Variants in WNT7B observed in about 807,000 individuals in gnomAD.
WNT7B encodes protein Wnt-7b.
In WNT7B, 19 loss-of-function variants were observed where a neutral mutation model predicts 38.2. The observed-to-expected ratio is 0.50, with a 90% CI of 0.35 to 0.73. The LOEUF (loss-of-function observed/expected upper bound fraction) is 0.73. Among genes scored for constraint, WNT7B ranks in the 30% least tolerant of loss-of-function variants. WNT7B has a pLI of 0.01. For missense variants in WNT7B, 423 were observed against 507.9 expected, an observed-to-expected ratio of 0.83 and a Z score of 1.61; for synonymous variants, 243 against 209.3, an observed-to-expected ratio of 1.16 and a Z score of -1.39.
intron 1 of WNT7B, chr22:45,972,075 T>C: frequency 1.9e-6 from 1 of 530,462 alleles, no homozygotes; most frequent in South Asian, 2.3e-5. Context: ...CGCTGCCGCG[T>C]TCCCTGCCCG....
intron 3 of WNT7B, among the ~76,000 whole-genome samples, chr22:45,924,126 A>C (rs1266949266): frequency 1.3e-5 from 2 of 152,052 alleles, no homozygotes; most frequent in African/African-American, 4.8e-5. Context: ...GAAGATGGGG[A>C]ATTATTAGCT....
At chr22:45,929,269 C>T (rs1215070141) in intron 3 of WNT7B, among the ~76,000 whole-genome samples, 6 of 152,218 alleles carry the variant, frequency 3.9e-5, no homozygotes, top group Non-Finnish European at 2.9e-5. Context: ...ATGGCATGGA[C>T]TGTGATCTGC....
intron 2 of WNT7B, among the ~76,000 whole-genome samples, chr22:45,943,784 A>T (rs1163392407): frequency 6.6e-6 from 1 of 152,210 alleles, no homozygotes; most frequent in Non-Finnish European, 1.5e-5. Context: ...GGCCCAGCCC[A>T]GGCGGGGGCT....
intron 1 of WNT7B, among the ~76,000 whole-genome samples, chr22:45,954,203 T>A (rs1932006553): frequency 6.6e-6 from 1 of 150,458 alleles, no homozygotes; most frequent in Non-Finnish European, 1.5e-5. Context: ...ACGTCCGGAA[T>A]AGGCAAATCC....
At chr22:45,926,095 C>A in intron 3 of WNT7B, 3 of 985,472 alleles carry the variant, frequency 3.0e-6, no homozygotes, top group Non-Finnish European at 3.6e-6. Context: ...GCAAATAAAG[C>A]CTACTGGGCC....
At chr22:45,952,888 A>G (rs1041813162) in intron 1 of WNT7B, among the ~76,000 whole-genome samples, 2 of 152,212 alleles carry the variant, frequency 1.3e-5, no homozygotes, top group African/African-American at 4.8e-5. Flanking sequence ...TGTGCCTGGA[A>G]CTAGAGGCCT....
At chr22:45,941,540 T>A (rs1184292361) in intron 2 of WNT7B, among the ~76,000 whole-genome samples, 2 of 146,656 alleles carry the variant, frequency 1.4e-5, no homozygotes, top group African/African-American at 5.0e-5. Flanking sequence ...GAGTGCAGAC[T>A]CTTCTGCAGT....
chr22:45,921,696 G>A lies in WNT7B; in HGVS notation c.*1160C>T, dbSNP rs1211348743. 6.6e-6 allele frequency: 1 copy of A among 152,318 alleles called. No individual in the cohort carries two copies. Among genetic ancestry groups the A allele is most frequent in the Non-Finnish European group, 1.5e-5 (1 of 68,082 alleles). 9.4% of individuals were successfully genotyped at this position (152,318 alleles called of 1,614,324 possible). A position where few individuals can be genotyped will look rare whatever the true frequency, so the allele number is the denominator to read the frequency against. ...AGGTGCCAGGCCGGGAGGGTGACAG[G>A]ATGAGGGAGGGAACGAAGGACTCCT... On this transcript the variant is annotated 3_prime_UTR_variant, in exon 4 of 4. Transcript: ENST00000339464.
chr22:45,946,449 G>T (rs1390740381), intron 2 of WNT7B, among the ~76,000 whole-genome samples: 1 of 152,202 alleles, frequency 6.6e-6, no homozygotes, highest in East Asian at 1.9e-4. Context: ...GGGATACGAG[G>T]TTCTCCTGAT....
At chr22:45,946,919 C>T (rs1931810834) in intron 2 of WNT7B, among the ~76,000 whole-genome samples, 1 of 152,220 alleles carries the variant, frequency 6.6e-6, no homozygotes, top group African/African-American at 2.4e-5. Context: ...AAGGGGCTGT[C>T]CCACCCACAC....
intron 1 of WNT7B, among the ~76,000 whole-genome samples, chr22:45,960,469 A>AC (rs35438042): frequency 4.7e-5 from 7 of 150,414 alleles, no homozygotes; most frequent in African/African-American, 1.2e-4. Context: ...GAGCCACCCC[A>AC]CCCCCCCAGC....
At chr22:45,952,673 G>A (rs937206264) in intron 1 of WNT7B, among the ~76,000 whole-genome samples, 13 of 152,350 alleles carry the variant, frequency 8.5e-5, no homozygotes, top group Admixed American at 2.6e-4. Context: ...CATTATCTGC[G>A]GTAGGTGCCC....
chr22:45,943,036 CGT>C lies in WNT7B; in HGVS notation c.298+6882_298+6883del, dbSNP rs542891679. ...CAGTGTGCATGTGTATGTGTGTGCG[CGT>C]GTGTGCAGCATGCATGTGTGTGCAG... On this transcript the variant is annotated intron_variant, in intron 2 of 3. Coordinates refer to ENST00000339464, the MANE Select transcript of WNT7B (RefSeq NM_058238.3). 8.0e-3 allele frequency among the ~76,000 whole-genome samples: 1,130 copies of C among 141,402 alleles called. 4 individuals carry two copies. The highest frequency in any genetic ancestry group is 0.011 in the Non-Finnish European group (764 of 67,636). 92.8% of individuals were successfully genotyped at this position (141,402 alleles called of 152,430 possible).
intron 1 of WNT7B, among the ~76,000 whole-genome samples, chr22:45,956,892 A>G (rs1932076260): frequency 2.0e-5 from 3 of 151,998 alleles, no homozygotes; most frequent in East Asian, 1.9e-4. Context: ...TGGATCATGA[A>G]GTCAGGAGAT....
At chr22:45,952,347 T>C (rs935550669) in intron 1 of WNT7B, among the ~76,000 whole-genome samples, 3 of 152,128 alleles carry the variant, frequency 2.0e-5, no homozygotes, top group Admixed American at 2.0e-4. Flanking sequence ...TGACACTCAA[T>C]CCCCGAGGCC....
At chr22:45,935,107 C>T (rs1404216895) in intron 2 of WNT7B, among the ~76,000 whole-genome samples, 1 of 152,186 alleles carries the variant, frequency 6.6e-6, no homozygotes, top group African/African-American at 2.4e-5. Context: ...CGTGTCCCTC[C>T]CCAAGTCCCT....
chr22:45,962,553 C>T (rs988613631), intron 1 of WNT7B, among the ~76,000 whole-genome samples: 2 of 152,242 alleles, frequency 1.3e-5, no homozygotes, highest in Non-Finnish European at 1.5e-5. Context: ...TCTCTCAGTT[C>T]TCCCCTCTCC....
At position 45,951,020 on chromosome 22, in the gene WNT7B, A is replaced by G. The variant is rs1338868727; in HGVS notation, c.72-874T>C. The stretch of plus-strand genomic sequence containing the variant: ...CCTGAAGCCCTAGACAAGAACCCGC[A>G]GGTCACGCTCACTCTACTTCAAGTG... On this transcript the variant is annotated intron_variant, in intron 1 of 3. Coordinates refer to ENST00000339464, the MANE Select transcript of WNT7B (RefSeq NM_058238.3). The surrounding 1 kb of genome is among the most constrained non-coding windows in gnomAD (Gnocchi z 4.8). Among the ~76,000 whole-genome samples the G allele has an allele frequency of 6.6e-6, 1 of 152,214 alleles. No individual in the cohort carries two copies. Among genetic ancestry groups the G allele is most frequent in the African/African-American group, 2.4e-5 (1 of 41,456 alleles).
chr22:45,973,294 GT>G (rs1932490853), intron 1 of WNT7B, among the ~76,000 whole-genome samples: 1 of 152,338 alleles, frequency 6.6e-6, no homozygotes, highest in Non-Finnish European at 1.5e-5. Flanking sequence ...CCCACCTCCT[GT>G]CGTTAGCCAA....
Sources: gnomAD v4.1 joint callset for allele counts (sites outside exome capture counted in the v4.1 genomes callset) on GRCh38, gnomAD v4.1.1 for gene constraint, Gnocchi (gnomAD v3.1) non-coding constraint, MANE v1.5 for transcripts, NCBI Gene and HGNC (gene_info 2026-07-23, HGNC 2026-07-21) for gene names.